TTC23: variants seen among roughly 807,000 people sequenced by gnomAD.
The protein encoded by TTC23 is tetratricopeptide repeat protein 23.
TTC23 carries 58 observed loss-of-function variants against 55.1 expected under a neutral mutation model. The ratio of observed to expected loss-of-function variants is 1.05; its 90% confidence interval spans 0.85 to 1.31. The LOEUF is 1.31. Ranked by LOEUF, TTC23 falls within the 50% of genes most tolerant of loss-of-function variation. The probability of loss-of-function intolerance (pLI) is 0.00; values close to 1 mark genes in which losing one functional copy is unlikely to be tolerated. For synonymous variants in TTC23, 203 were observed against 199.9 expected (o/e 1.02, Z -0.13); for missense variants, 516 against 534.4 (o/e 0.97, Z 0.34).
rs149325017 is a variant in TTC23, at chr15:99,165,854, A to G, written c.866-3987T>C. Among the ~76,000 whole-genome samples the G allele has an allele frequency of 2.3e-3, 356 of 152,358 alleles. 2 individuals are homozygous for G. The highest frequency in any genetic ancestry group is 8.3e-3 in the African/African-American group (347 of 41,578). Reference sequence around the variant, plus strand: ...TGGCATTAATTTTATTGATTATAAAAGCATTACAGAGATGAACATTCATGT... The same window carrying G: ...TGGCATTAATTTTATTGATTATAAAGGCATTACAGAGATGAACATTCATGT... On this transcript the variant is annotated intron_variant, in intron 10 of 13. Coordinates refer to ENST00000394132, the MANE Select transcript of TTC23 (RefSeq NM_001288615.3).
At chr15:99,178,357 T>C (rs1231216828) in intron 9 of TTC23, among the ~76,000 whole-genome samples, 1 of 152,156 alleles carries the variant, frequency 6.6e-6, no homozygotes, top group East Asian at 1.9e-4. Flanking sequence ...TCATGAAGCT[T>C]TTATAAACCA....
rs1229564561 is a variant in TTC23 at position 99,228,550 on chromosome 15, A to G, written c.163T>C (p.Tyr55His). 1 of 1,612,556 alleles carries G rather than the reference A, an allele frequency of 6.2e-7. No individual in the cohort carries two copies. Among genetic ancestry groups the G allele is most frequent in the East Asian group, 2.2e-5 (1 of 44,870 alleles). ...LHLCEEKAKS[Y>H]SNSHEYKQAV... ...CTCCTTACCTCATGACTGTTGGAAT[A>G]GGACTTTGCTTTCTCTTCACAGAGG... is the stretch of plus-strand genomic sequence containing the variant. The change falls in exon 5 of 14, where the codon TAT (tyrosine) becomes CAT (histidine). Residue 55 changes from tyrosine to histidine, a missense_variant. By Grantham distance (83) the Tyr-to-His change is moderately conservative. Transcript: ENST00000394132.
At chr15:99,176,934 T>C (rs955782019) in intron 9 of TTC23, among the ~76,000 whole-genome samples, 3 of 152,156 alleles carry the variant, frequency 2.0e-5, no homozygotes, top group Admixed American at 6.5e-5. Flanking sequence ...ACATCACTAA[T>C]TGATGCCAGC....
At chr15:99,231,637 C>T (rs2078942999) in intron 4 of TTC23, among the ~76,000 whole-genome samples, 2 of 151,948 alleles carry the variant, frequency 1.3e-5, no homozygotes, top group Admixed American at 6.5e-5. Context: ...GGACTACAGG[C>T]GCCCGCCACC....
At chr15:99,147,946 C>T (rs751347524) in intron 12 of TTC23, among the ~76,000 whole-genome samples, 141 of 152,160 alleles carry the variant, frequency 9.3e-4, no homozygotes, top group Non-Finnish European at 1.4e-3. Context: ...TTACAGGGAA[C>T]GGATTCTAAC....
intron 8 of TTC23, among the ~76,000 whole-genome samples, chr15:99,212,820 C>T (rs772723348): frequency 2.0e-5 from 3 of 151,624 alleles, no homozygotes; most frequent in Non-Finnish European, 4.4e-5. Flanking sequence ...GACCCTGTCT[C>T]TACAAAAAAA....
chr15:99,143,150 A>G (rs529084595), intron 12 of TTC23, among the ~76,000 whole-genome samples: 4 of 152,358 alleles, frequency 2.6e-5, no homozygotes, highest in African/African-American at 9.6e-5. Flanking sequence ...GCTGGAAAGA[A>G]TGGTCATCCA....
intron 5 of TTC23, 91 bp downstream of exon 5, chr15:99,228,442 T>A: frequency 8.4e-7 from 1 of 1,188,082 alleles, no homozygotes; most frequent in Middle Eastern, 2.3e-4. Flanking sequence ...CTGCTGAGAT[T>A]AGGAATGTAA....
Position 99,187,894 on chromosome 15 carries a change from G to A in TTC23, c.759+12025C>T, listed in dbSNP as rs561945744. Among the ~76,000 whole-genome samples, 8 of 152,216 alleles carry A rather than the reference G, an allele frequency of 5.3e-5. No homozygotes were observed. In the South Asian group the frequency reaches 1.0e-3, roughly 20 times the overall value. ...TGGAACTTTCATAAATTGTTGGTGG[G>A]AATGTAAAATAGTGAGGCTGCTTTG... On this transcript the variant is annotated intron_variant, in intron 9 of 13. Coordinates refer to ENST00000394132, the MANE Select transcript of TTC23 (RefSeq NM_001288615.3).
Position 99,228,568 on chromosome 15 carries a change from C to T in TTC23, c.145G>A (p.Glu49Lys). 1.2e-6 allele frequency: 2 copies of T among 1,613,364 alleles called. No homozygotes were observed. The highest frequency in any genetic ancestry group is 1.7e-6 in the Non-Finnish European group (2 of 1,179,664). Reference protein sequence around the residue: ...QPPREKLHLCEEKAKSYSNSH... With the variant: ...QPPREKLHLCKEKAKSYSNSH... ...TTGGAATAGGACTTTGCTTTCTCTT[C>T]ACAGAGGTGGAGTTTCTCTCGAGGA... The change falls in exon 5 of 14, where the codon GAA becomes AAA. Residue 49 changes from glutamate (E) to lysine (K), a missense_variant. By Grantham distance (56) the Glu-to-Lys change is moderately conservative. Coordinates refer to ENST00000394132, the MANE Select transcript of TTC23 (RefSeq NM_001288615.3).
intron 10 of TTC23, among the ~76,000 whole-genome samples, chr15:99,171,316 G>T (rs1439057736): frequency 6.6e-6 from 1 of 152,116 alleles, no homozygotes; most frequent in African/African-American, 2.4e-5. Flanking sequence ...GTCCTTTTGG[G>T]GTAGAACAAC....
chr15:99,222,012 C>G (rs760860235), intron 5 of TTC23, 148 bp from the exon 6 acceptor site: 6 of 840,746 alleles, frequency 7.1e-6, no homozygotes, highest in Non-Finnish European at 1.1e-5. Context: ...TATCAGAGAA[C>G]AAAACAGACA....
At chr15:99,150,590 A>G (rs1555496376) in intron 12 of TTC23, among the ~76,000 whole-genome samples, 3 of 152,400 alleles carry the variant, frequency 2.0e-5, no homozygotes, top group Non-Finnish European at 4.4e-5. Flanking sequence ...ATAGTTCTAT[A>G]TAGTTCTACT....
At chr15:99,192,329 C>A (rs999760614) in intron 9 of TTC23, among the ~76,000 whole-genome samples, 1 of 152,158 alleles carries the variant, frequency 6.6e-6, no homozygotes, top group Non-Finnish European at 1.5e-5. Context: ...TGCACAGTCC[C>A]TCCCATCACA....
chr15:99,247,598 T>C (rs564819348), intron 1 of TTC23, among the ~76,000 whole-genome samples: 38 of 152,154 alleles, frequency 2.5e-4, no homozygotes, highest in Non-Finnish European at 4.3e-4. Context: ...TAAAAGAAAC[T>C]AGATGCAAAG....
intron 4 of TTC23, among the ~76,000 whole-genome samples, chr15:99,233,742 G>T (rs2079101337): frequency 6.6e-6 from 1 of 152,010 alleles, no homozygotes; most frequent in Non-Finnish European, 1.5e-5. Context: ...ATCTAAATGT[G>T]AAATTTAGAT....
At position 99,218,668 on chromosome 15, in the gene TTC23, TG is replaced by T. The variant is rs1257869957; in HGVS notation, c.500del (p.Ser167Ter). On this transcript the variant is annotated frameshift_variant, in exon 8 of 14. Transcript: ENST00000394132. LOFTEE classifies it high-confidence loss of function. ...TTCTTCCACATTGTAGCAGCTCCTT[TG>T]AAAGTCTCTCTGCTTTTGTCAAATT... The part of the protein sequence containing the change: ...AENLTKAERL[S>X]KELLQCGRII... 3 of 1,614,224 alleles carry T rather than the reference TG, an allele frequency of 1.9e-6. No homozygotes were observed. The highest frequency in any genetic ancestry group is 2.5e-6 in the Non-Finnish European group (3 of 1,180,046).
At chr15:99,229,251 A>G (rs2152070552) in intron 4 of TTC23, among the ~76,000 whole-genome samples, 1 of 152,302 alleles carries the variant, frequency 6.6e-6, no homozygotes, top group Non-Finnish European at 1.5e-5. Context: ...GGTAGAAAAT[A>G]AATAATTGTT....
chr15:99,228,832 A>ATG, intron 4 of TTC23, 100 bp from the exon 5 acceptor site: 4 of 988,062 alleles, frequency 4.0e-6, no homozygotes, highest in Non-Finnish European at 5.7e-6. Flanking sequence ...CTTTGAAATT[A>ATG]GTAGCATTAT....
Sources: allele counts gnomAD v4.1 joint callset (sites outside exome capture counted in the v4.1 genomes callset), GRCh38; gene constraint gnomAD v4.1.1; transcripts MANE v1.5; gene names NCBI Gene and HGNC (gene_info 2026-07-23, HGNC 2026-07-21).